The following GRM7 variants were observed in gnomAD, a reference collection of about 807,000 sequenced individuals.
GRM7 encodes the protein glutamate metabotropic receptor 7.
A neutral mutation model predicts 84.5 loss-of-function variants in GRM7; 35 were observed. The ratio of observed to expected loss-of-function variants is 0.41; its 90% CI spans 0.32 to 0.55. The LOEUF (loss-of-function observed/expected upper bound fraction) is 0.55. Among genes scored for constraint, GRM7 ranks in the 20% least tolerant of loss-of-function variants. The pLI is 0.19. For missense variants in GRM7, 1,003 were observed against 1,194.6 expected, an observed-to-expected ratio of 0.84 and a Z score of 2.36; for synonymous variants, 487 against 455.1, an observed-to-expected ratio of 1.07 and a Z score of -0.89.
chr3:7,036,955 A>G (rs766027517), intron 1 of GRM7, among the ~76,000 whole-genome samples: 2 of 152,232 alleles, frequency 1.3e-5, no homozygotes, highest in Admixed American at 6.5e-5. Flanking sequence ...AGAAGAGGGC[A>G]TGACATAATG....
chr3:7,236,013 C>T (rs1258021254), intron 2 of GRM7, among the ~76,000 whole-genome samples: 2 of 152,296 alleles, frequency 1.3e-5, no homozygotes, highest in East Asian at 1.9e-4. Context: ...CTTGCAGACA[C>T]TGCATCTGGT....
rs186259434 is a variant in GRM7, at chr3:7,157,153, A to T, written c.736+10485A>T. Reference sequence around the variant, plus strand: ...AGCTCCAACTCCATGGAGGCCTTCAATTCTGGGCTCCAAACTCAGCATCAA... The same window carrying T: ...AGCTCCAACTCCATGGAGGCCTTCATTTCTGGGCTCCAAACTCAGCATCAA... On this transcript the variant is annotated intron_variant, in intron 2 of 9. Coordinates refer to ENST00000357716, the MANE Select transcript of GRM7 (RefSeq NM_000844.4). Among the ~76,000 whole-genome samples the T allele has an allele frequency of 2.2e-4, 33 of 152,202 alleles. No individual in the cohort carries two copies. In the East Asian group the frequency reaches 5.2e-3, roughly 24 times the overall value.
intron 7 of GRM7, chr3:7,520,265 C>T (rs1165214093): frequency 6.6e-6 from 1 of 152,078 alleles, no homozygotes; most frequent in African/African-American, 2.4e-5. Context: ...TCTCATTATC[C>T]ATGGTTGCTG....
chr3:7,262,962 G>C (rs539946794), intron 2 of GRM7, among the ~76,000 whole-genome samples: 19 of 152,222 alleles, frequency 1.2e-4, no homozygotes, highest in African/African-American at 4.3e-4. Flanking sequence ...CTCTCAAAAT[G>C]CTAGAATTAC....
At chr3:6,957,047 A>C (rs1192795441) in intron 1 of GRM7, among the ~76,000 whole-genome samples, 1 of 152,172 alleles carries the variant, frequency 6.6e-6, no homozygotes, top group African/African-American at 2.4e-5. Context: ...ATAGCGTTAT[A>C]ATTTTCCCAC....
chr3:7,467,254 AT>A (rs1396481349), intron 7 of GRM7, among the ~76,000 whole-genome samples: 20 of 151,920 alleles, frequency 1.3e-4, no homozygotes, highest in Non-Finnish European at 2.6e-4. Flanking sequence ...CACCCAGCTA[AT>A]TTTTTGTATT....
At chr3:7,411,474 AT>A (rs1268772263) in intron 4 of GRM7, among the ~76,000 whole-genome samples, 7 of 152,182 alleles carry the variant, frequency 4.6e-5, no homozygotes, top group Non-Finnish European at 5.9e-5. Flanking sequence ...ACCACCAGAA[AT>A]AATCTAATTT....
chr3:7,167,910 A>G (rs1694853630), intron 2 of GRM7, among the ~76,000 whole-genome samples: 1 of 129,442 alleles, frequency 7.7e-6, no homozygotes, highest in Middle Eastern at 4.4e-3. Flanking sequence ...TGGAGCTTGC[A>G]GTGAGCCAAG....
intron 5 of GRM7, among the ~76,000 whole-genome samples, chr3:7,445,942 TGTCCC>T (rs1697486237): frequency 6.6e-6 from 1 of 152,162 alleles, no homozygotes; most frequent in Admixed American, 6.6e-5. Context: ...GCTGTCCCTG[TGTCCC>T]CTTCACCCAG....
intron 7 of GRM7, among the ~76,000 whole-genome samples, chr3:7,553,713 C>A (rs1436577507): frequency 6.6e-6 from 1 of 152,148 alleles, no homozygotes; most frequent in Non-Finnish European, 1.5e-5. Flanking sequence ...TGTACTTACT[C>A]TCCTGAGAAC....
At chr3:7,545,555 T>G (rs1216078361) in intron 7 of GRM7, among the ~76,000 whole-genome samples, 2 of 152,210 alleles carry the variant, frequency 1.3e-5, no homozygotes, top group African/African-American at 4.8e-5. Context: ...CAGCTTGTTT[T>G]TTAACCAGAA....
At chr3:7,120,413 C>T (rs1693178587) in intron 1 of GRM7, among the ~76,000 whole-genome samples, 1 of 151,986 alleles carries the variant, frequency 6.6e-6, no homozygotes. Context: ...CTGCCAATAT[C>T]AATTTTAATG....
intron 4 of GRM7, among the ~76,000 whole-genome samples, chr3:7,400,939 CT>C (rs1318120663): frequency 6.6e-6 from 1 of 152,032 alleles, no homozygotes; most frequent in Non-Finnish European, 1.5e-5. Flanking sequence ...ATATATCATT[CT>C]TAGCCCAGTA....
At chr3:6,984,939 G>A (rs890816982) in intron 1 of GRM7, among the ~76,000 whole-genome samples, 5 of 152,264 alleles carry the variant, frequency 3.3e-5, no homozygotes, top group East Asian at 1.9e-4. Flanking sequence ...AGTGCAGCTC[G>A]GAAAAGCAGT....
chr3:7,335,165 C>A (rs1701354715), intron 4 of GRM7, among the ~76,000 whole-genome samples: 1 of 152,036 alleles, frequency 6.6e-6, no homozygotes. Context: ...TCATAGGCCA[C>A]AAAACAAGTC....
In GRM7 at chr3:7,472,642, A is replaced by G. The variant is rs116622634; in HGVS notation, c.1515+10920A>G. Among the ~76,000 whole-genome samples the G allele has an allele frequency of 5.4e-3, 828 of 152,314 alleles. 9 individuals are homozygous for G. Among genetic ancestry groups the G allele is most frequent in the African/African-American group, 0.019 (795 of 41,558 alleles). Reference sequence around the variant, plus strand: ...ATAGCCCCATCCACTGAAAGTGAGTAGAGCTCCCAAGAGGGTAGTGAGAGA... The same window carrying G: ...ATAGCCCCATCCACTGAAAGTGAGTGGAGCTCCCAAGAGGGTAGTGAGAGA... On this transcript the variant is annotated intron_variant, in intron 7 of 9. Transcript: ENST00000357716.
chr3:7,187,257 G>A (rs1345299443), intron 2 of GRM7, among the ~76,000 whole-genome samples: 1 of 152,026 alleles, frequency 6.6e-6, no homozygotes, highest in East Asian at 1.9e-4. Context: ...CTCGCAACAA[G>A]ATGTGCCTTT....
At chr3:6,918,240 C>T (rs1255171815) in intron 1 of GRM7, among the ~76,000 whole-genome samples, 2 of 152,114 alleles carry the variant, frequency 1.3e-5, no homozygotes, top group African/African-American at 2.4e-5. Flanking sequence ...AGGAATGACT[C>T]AAAGTTCAGG....
At chr3:7,184,753 G>T (rs995881042) in intron 2 of GRM7, among the ~76,000 whole-genome samples, 1 of 151,994 alleles carries the variant, frequency 6.6e-6, no homozygotes, top group Non-Finnish European at 1.5e-5. Context: ...TTATTTTTAT[G>T]AACAATGTTG....
Sources: gnomAD v4.1 joint callset for allele counts (sites outside exome capture counted in the v4.1 genomes callset) on GRCh38, gnomAD v4.1.1 for gene constraint, MANE v1.5 for transcripts, NCBI Gene and HGNC (gene_info 2026-07-23, HGNC 2026-07-21) for gene names.